MIPEP: variants seen among roughly 807,000 people sequenced by gnomAD.
MIPEP encodes the protein mitochondrial intermediate peptidase.
In MIPEP, 79 loss-of-function variants were observed where a neutral mutation model predicts 90.3. That is an observed-to-expected ratio of 0.87 (90% confidence interval 0.73 to 1.05). The LOEUF (loss-of-function observed/expected upper bound fraction) is 1.05, where lower values mean the gene tolerates loss of function less well. Among genes scored for constraint, MIPEP ranks in the 50% least tolerant of loss-of-function variants. The pLI is 0.00. For missense variants in MIPEP, 940 were observed against 905.6 expected (o/e 1.04, Z -0.49); for synonymous variants, 334 against 315.8 (o/e 1.06, Z -0.61).
chr13:23,734,630 C>T (rs1023491396), intron 18 of MIPEP, among the ~76,000 whole-genome samples: 10 of 152,146 alleles, frequency 6.6e-5, no homozygotes, highest in African/African-American at 2.4e-4. Flanking sequence ...AGCAATCAAA[C>T]TCCAAATGGT....
At chr13:23,864,243 T>C in intron 7 of MIPEP, 54 bp from the exon 8 acceptor site, 2 of 1,200,496 alleles carry the variant, frequency 1.7e-6, no homozygotes, top group East Asian at 2.5e-5. Flanking sequence ...AAAATGAACA[T>C]ATCTGTTAAA....
intron 16 of MIPEP, among the ~76,000 whole-genome samples, chr13:23,799,161 G>A (rs9510863): frequency 0.33 from 49,814 of 149,208 alleles, 8,959 homozygotes; most frequent in East Asian, 0.46. Context: ...GTACCACCAC[G>A]CGCAGCTGAT....
intron 16 of MIPEP, among the ~76,000 whole-genome samples, chr13:23,804,329 T>C (rs1441665792): frequency 6.6e-6 from 1 of 152,190 alleles, no homozygotes; most frequent in Non-Finnish European, 1.5e-5. Flanking sequence ...TACTACTTAC[T>C]GGTCATGAAG....
intron 16 of MIPEP, among the ~76,000 whole-genome samples, chr13:23,802,597 A>T (rs1593162989): frequency 6.6e-6 from 1 of 152,108 alleles, no homozygotes; most frequent in Non-Finnish European, 1.5e-5. Context: ...GTTTTATGCT[A>T]TGTGGTATTT....
At chr13:23,840,284 C>T (rs943489124) in intron 11 of MIPEP, among the ~76,000 whole-genome samples, 1 of 152,128 alleles carries the variant, frequency 6.6e-6, no homozygotes, top group African/African-American at 2.4e-5. Context: ...AAGAGAACCC[C>T]GATTTTGTGC....
At chr13:23,736,087 T>C (rs960693596) in intron 18 of MIPEP, among the ~76,000 whole-genome samples, 1 of 152,164 alleles carries the variant, frequency 6.6e-6, no homozygotes, top group Non-Finnish European at 1.5e-5. Flanking sequence ...AAAATTGTAT[T>C]TTCCAAGCAC....
intron 14 of MIPEP, among the ~76,000 whole-genome samples, chr13:23,828,473 G>C (rs745457559): frequency 2.6e-5 from 4 of 152,180 alleles, no homozygotes; most frequent in Non-Finnish European, 5.9e-5. Context: ...AGAAAGTTTA[G>C]CAAAGCTGCT....
At chr13:23,843,588 A>G (rs1012466969) in intron 10 of MIPEP, among the ~76,000 whole-genome samples, 7 of 152,252 alleles carry the variant, frequency 4.6e-5, no homozygotes, top group African/African-American at 7.2e-5. Flanking sequence ...TACACTCTCA[A>G]TGAATTGCTT....
At chr13:23,879,575 C>T (rs1010892193) in intron 3 of MIPEP, among the ~76,000 whole-genome samples, 1 of 151,940 alleles carries the variant, frequency 6.6e-6, no homozygotes, top group Non-Finnish European at 1.5e-5. Context: ...ACCCAGCACC[C>T]AGGCTGGAAT....
At chr13:23,862,390 T>A (rs767545006) in intron 8 of MIPEP, 28 bp from the exon 9 acceptor site, 14 of 1,338,950 alleles carry the variant, frequency 1.0e-5, no homozygotes, top group Non-Finnish European at 1.5e-5. Flanking sequence ...CATTACTTGT[T>A]AGGACAAAAT....
intron 16 of MIPEP, among the ~76,000 whole-genome samples, chr13:23,782,125 T>G (rs1399244537): frequency 1.3e-5 from 2 of 152,028 alleles, no homozygotes; most frequent in Non-Finnish European, 2.9e-5. Flanking sequence ...CCTACAGAAC[T>G]CTCCACCCCA....
chr13:23,886,187 TA>T, intron 2 of MIPEP, 145 bp downstream of exon 2: 1 of 551,342 alleles, frequency 1.8e-6, no homozygotes, highest in Non-Finnish European at 2.8e-6. Flanking sequence ...TATTTCATCA[TA>T]AAAAATTATA....
intron 16 of MIPEP, among the ~76,000 whole-genome samples, chr13:23,791,078 A>C (rs185442488): frequency 8.7e-4 from 133 of 152,192 alleles, no homozygotes; most frequent in Non-Finnish European, 1.5e-3. Context: ...ATCCACTTCC[A>C]AATGTTCACC....
In MIPEP at chr13:23,862,328, T is replaced by C. The variant is rs1057518741; in HGVS notation, c.1027A>G (p.Lys343Glu). ...GAATTTTGAGGATTCAGTTTCATTT[T>C]CATCCCTCGTATCATCTCAAAATCT... ...LKDFEMIRGMKMKLNPQNSEV... is the reference protein window; with the variant it reads ...LKDFEMIRGMEMKLNPQNSEV... The change falls in exon 9 of 19, where the codon AAA becomes GAA. Residue 343 changes from lysine to glutamate, a missense_variant. Physicochemically the swap from Lys to Glu is moderately conservative, Grantham distance 56 (BLOSUM62 1). Transcript: ENST00000382172. The C allele has an allele frequency of 6.3e-7, 1 of 1,584,654 alleles. No individual in the cohort carries two copies. Among genetic ancestry groups the C allele is most frequent in the Non-Finnish European group, 8.6e-7 (1 of 1,158,958 alleles).
At position 23,864,186 on chromosome 13, in the gene MIPEP, GTC is replaced by G; in HGVS notation, c.945_946del (p.Glu315AspfsTer7). The G allele has an allele frequency of 6.4e-7, 1 of 1,558,584 alleles. No homozygotes were observed. Among genetic ancestry groups the G allele is most frequent in the Non-Finnish European group, 8.7e-7 (1 of 1,150,128 alleles). On this transcript the variant is annotated frameshift_variant and splice_region_variant, in exon 8 of 19. Transcript: ENST00000382172. LOFTEE classifies it high-confidence loss of function. ...TAGTTTTTCAAGGAACTGCATGACAGTCTCTAAAACGAAATCCAAAAGAAAAT... is the reference window on the plus strand; with the variant it reads ...TAGTTTTTCAAGGAACTGCATGACAGTCTAAAACGAAATCCAAAAGAAAAT...
In MIPEP at chr13:23,773,339, A is replaced by T. The variant is rs115565358; in HGVS notation, c.1849-13122T>A. ...ATGACCAATTTTCCATTGAGTGGATACAAGGCTTTTGTGCATCCAGTCATC... is the reference window on the plus strand; with the variant it reads ...ATGACCAATTTTCCATTGAGTGGATTCAAGGCTTTTGTGCATCCAGTCATC... On this transcript the variant is annotated intron_variant, in intron 16 of 18. Coordinates refer to ENST00000382172, the MANE Select transcript of MIPEP (RefSeq NM_005932.4). Among the ~76,000 whole-genome samples, 748 of 152,320 alleles carry T rather than the reference A, an allele frequency of 4.9e-3. 7 individuals carry two copies. Among genetic ancestry groups the T allele is most frequent in the African/African-American group, 0.017 (708 of 41,574 alleles).
At chr13:23,793,708 G>A (rs1952924775) in intron 16 of MIPEP, among the ~76,000 whole-genome samples, 1 of 151,848 alleles carries the variant, frequency 6.6e-6, no homozygotes, top group Admixed American at 6.6e-5. Context: ...AAACTGAGAT[G>A]ACCCATCTTA....
chr13:23,877,237 T>C lies in MIPEP; in HGVS notation c.539+2031A>G, dbSNP rs541653830. ...TATAAATTGGATAGCATTAAACTTA[T>C]AGTAATAAACATTACTGAGCTTTCT... On this transcript the variant is annotated intron_variant, in intron 4 of 18. Transcript: ENST00000382172. Among the ~76,000 whole-genome samples, 9 of 152,346 alleles carry C rather than the reference T, an allele frequency of 5.9e-5. No homozygotes were observed. In the South Asian group the frequency reaches 1.9e-3, roughly 32 times the overall value.
chr13:23,833,368 A>C (rs768243482), intron 14 of MIPEP, among the ~76,000 whole-genome samples: 5 of 152,202 alleles, frequency 3.3e-5, no homozygotes, highest in African/African-American at 7.2e-5. Context: ...TCTCCATGAG[A>C]ATCACAAAAT....
Sources: gnomAD v4.1 joint callset for allele counts (sites outside exome capture counted in the v4.1 genomes callset) on GRCh38, gnomAD v4.1.1 for gene constraint, MANE v1.5 for transcripts, NCBI Gene and HGNC (gene_info 2026-07-23, HGNC 2026-07-21) for gene names.